HP: variants seen among roughly 807,000 people sequenced by gnomAD.
The protein encoded by HP is haptoglobin.
In HP, 9 loss-of-function variants were observed where a neutral mutation model predicts 23.2. That is an observed-to-expected ratio of 0.39 (90% CI 0.23 to 0.68). HP has a LOEUF of 0.68. HP is among the 30% of genes least tolerant of loss of function. HP has a pLI of 0.47. For synonymous variants in HP, 155 were observed against 183.3 expected, an observed-to-expected ratio of 0.85 and a Z score of 1.25; for missense variants, 433 against 483.6, an observed-to-expected ratio of 0.90 and a Z score of 0.98.
At chr16:72,055,009 A>G in intron 1 of HP, 2 of 463,770 alleles carry the variant, frequency 4.3e-6, no homozygotes, top group East Asian at 8.2e-5. Context: ...GAAGACTAAT[A>G]GTAACACATT....
intron 1 of HP, chr16:72,055,288 CG>C: frequency 6.3e-6 from 1 of 157,568 alleles, no homozygotes; most frequent in South Asian, 1.9e-4. Context: ...TACAGGCGTG[CG>C]CCACTATGCC....
chr16:72,055,803 G>C, intron 1 of HP: 1 of 346,574 alleles, frequency 2.9e-6, no homozygotes, highest in Admixed American at 3.8e-5. Flanking sequence ...CTTTCCTGGA[G>C]GGCTCCTGTA....
rs142139335 is a variant in HP at position 72,059,068 on chromosome 16, C to G, written c.368-46C>G. 19 of 1,525,616 alleles carry G rather than the reference C, an allele frequency of 1.2e-5. 3 individuals are homozygous for G. Among genetic ancestry groups the G allele is most frequent in the Non-Finnish European group, 1.6e-5 (18 of 1,113,422 alleles). 94.5% of individuals were successfully genotyped at this position (1,525,616 alleles called of 1,614,324 possible). Reference sequence around the variant, plus strand: ...AATGCCTTCTCACTCTGCACGGGGTCTAGACTTGACTTCTCCTTTGGCTCA... The same window carrying G: ...AATGCCTTCTCACTCTGCACGGGGTGTAGACTTGACTTCTCCTTTGGCTCA... On this transcript the variant is annotated intron_variant, in intron 5 of 6. Coordinates refer to ENST00000355906, the MANE Select transcript of HP (RefSeq NM_005143.5).
chr16:72,054,742 G>C lies in HP; in HGVS notation c.5+85G>C, dbSNP rs2041431902. The C allele has an allele frequency of 1.9e-6, 3 of 1,606,096 alleles. No homozygotes were observed. In the Admixed American group the frequency reaches 5.1e-5, roughly 27 times the overall value. Reference sequence around the variant, plus strand: ...ATACATCGGTAGAGATGCAGAAATAGAACAAAGAAACGGGCAAATGGGCTA... The same window carrying C: ...ATACATCGGTAGAGATGCAGAAATACAACAAAGAAACGGGCAAATGGGCTA... On this transcript the variant is annotated intron_variant, in intron 1 of 6. Transcript: ENST00000355906.
At chr16:72,055,916 G>A (rs1303532065) in intron 1 of HP, 1 of 616,076 alleles carries the variant, frequency 1.6e-6, no homozygotes, top group South Asian at 1.7e-5. Context: ...ATTCCCAGCA[G>A]GACAGGGCTT....
At chr16:72,054,950 T>G in intron 1 of HP, 2 of 580,558 alleles carry the variant, frequency 3.4e-6, no homozygotes, top group Admixed American at 3.1e-5. Context: ...CCTGGCATCC[T>G]GAGTATATTT....
rs470428 is a variant in HP at position 72,060,783 on chromosome 16, A to C, written c.1114A>C (p.Thr372Pro). The C allele has an allele frequency of 1.2e-6, 2 of 1,614,064 alleles. No homozygotes were observed. The highest frequency in any genetic ancestry group is 2.2e-5 in the South Asian group (2 of 91,074). Reference protein sequence around the residue: ...HDLEEDTWYATGILSFDKSCA... With the variant: ...HDLEEDTWYAPGILSFDKSCA... ...CCTGGAGGAGGACACCTGGTATGCG[A>C]CTGGGATCTTAAGCTTTGATAAGAG... is the stretch of plus-strand genomic sequence containing the variant. Residue 372 changes from threonine (T) to proline (P), a missense_variant, in exon 7 of 7, where the codon ACT becomes CCT. Around this residue, in one of 3 missense-constraint regions of HP, gnomAD observed 326 missense variants for 358.1 expected, o/e 0.91. Coordinates refer to ENST00000355906, the MANE Select transcript of HP (RefSeq NM_005143.5).
intron 1 of HP, 37 bp from the exon 2 acceptor site, chr16:72,056,124 G>A: frequency 6.3e-7 from 1 of 1,594,880 alleles, no homozygotes; most frequent in Non-Finnish European, 8.6e-7. Context: ...GAAGCAGGGA[G>A]ACTAGCTTTC....
chr16:72,054,540 T>C lies in HP; in HGVS notation c.-113T>C, dbSNP rs1344732901. The C allele has an allele frequency of 5.1e-6, 8 of 1,575,426 alleles. No homozygotes were observed. Among genetic ancestry groups the C allele is most frequent in the Non-Finnish European group, 6.9e-6 (8 of 1,158,762 alleles). On this transcript the variant is annotated 5_prime_UTR_variant, in exon 1 of 7. Transcript: ENST00000355906. ...ATAGTGACCTTACCAGGGCCAAAGTTTGTAGACACAGGAATTACGAAATGG... is the reference window on the plus strand; with the variant it reads ...ATAGTGACCTTACCAGGGCCAAAGTCTGTAGACACAGGAATTACGAAATGG...
chr16:72,055,649 G>A (rs1479463309), intron 1 of HP: 3 of 181,124 alleles, frequency 1.7e-5, no homozygotes, highest in South Asian at 1.2e-4. Context: ...AAATACCCAC[G>A]TGTTTAAAAT....
In HP at chr16:72,060,846, A is replaced by G; in HGVS notation, c.1177A>G (p.Thr393Ala). 6.2e-7 allele frequency: 1 copy of G among 1,610,356 alleles called. No individual in the cohort carries two copies. The highest frequency in any genetic ancestry group is 8.5e-7 in the Non-Finnish European group (1 of 1,177,978). ...TGAGTATGGTGTGTATGTGAAGGTGACTTCCATCCAGGACTGGGTTCAGAA... is the reference window on the plus strand; with the variant it reads ...TGAGTATGGTGTGTATGTGAAGGTGGCTTCCATCCAGGACTGGGTTCAGAA... ...VAEYGVYVKV[T>A]SIQDWVQKTI... The change falls in exon 7 of 7, where the codon ACT becomes GCT. Residue 393 changes from threonine (T) to alanine (A), a missense_variant. Thr to Ala is a moderately conservative substitution (Grantham distance 58). Around this residue, in one of 3 missense-constraint regions of HP, gnomAD observed 326 missense variants for 358.1 expected, o/e 0.91. Coordinates refer to ENST00000355906, the MANE Select transcript of HP (RefSeq NM_005143.5).
chr16:72,055,693 A>G (rs1169638527), intron 1 of HP: 4 of 194,696 alleles, frequency 2.1e-5, no homozygotes, highest in Admixed American at 5.2e-5. Context: ...TACGGAAAAT[A>G]TCAAGAAGTA....
Position 72,059,098 on chromosome 16 carries a change from T to C in HP, c.368-16T>C. 1.3e-6 allele frequency: 2 copies of C among 1,563,610 alleles called. 1 individual carries two copies. Among genetic ancestry groups the C allele is most frequent in the Non-Finnish European group, 1.7e-6 (2 of 1,147,096 alleles). ...CTTGACTTCTCCTTTGGCTCACTTC[T>C]TGCCTTTTGTTTCAGGAGTGTACAC... On this transcript the variant is annotated splice_polypyrimidine_tract_variant and intron_variant, in intron 5 of 6. Transcript: ENST00000355906.
In HP at chr16:72,060,391, A is replaced by T. The variant is rs2041524101; in HGVS notation, c.722A>T (p.Asn241Ile). ...VEIEKVVLHP[N>I]YSQVDIGLIK... ...ATTGAGAAGGTTGTTCTACACCCTA[A>T]CTACTCCCAGGTAGATATTGGGCTC... Residue 241 changes from asparagine (N) to isoleucine (I), a missense_variant, in exon 7 of 7, where the codon AAC (asparagine) becomes ATC (isoleucine). Physicochemically the swap from Asn to Ile is moderately radical, Grantham distance 149. Coordinates refer to ENST00000355906, the MANE Select transcript of HP (RefSeq NM_005143.5). 1 of 1,614,180 alleles carries T rather than the reference A, an allele frequency of 6.2e-7. No individual in the cohort carries two copies. Among genetic ancestry groups the T allele is most frequent in the Non-Finnish European group, 8.5e-7 (1 of 1,180,042 alleles).
In HP at chr16:72,056,207, G is replaced by C; in HGVS notation, c.52G>C (p.Ala18Pro). Residue 18 changes from alanine to proline, a missense_variant, in exon 2 of 7, where the codon GCA (alanine) becomes CCA (proline). Ala to Pro is a conservative substitution (Grantham distance 27). Around this residue, in one of 3 missense-constraint regions of HP, gnomAD observed 71 missense variants for 54.2 expected, o/e 1.31. Transcript: ENST00000355906. Reference sequence around the variant, plus strand: ...CCTCCTGCTCTGGGGACAGCTTTTTGCAGTGGACTCAGGCAATGATGTCAC... The same window carrying C: ...CCTCCTGCTCTGGGGACAGCTTTTTCCAGTGGACTCAGGCAATGATGTCAC... ...IALLLWGQLFAVDSGNDVTDI... is the reference protein window; with the variant it reads ...IALLLWGQLFPVDSGNDVTDI... The C allele has an allele frequency of 6.2e-7, 1 of 1,613,990 alleles. No individual in the cohort carries two copies. Among genetic ancestry groups the C allele is most frequent in the Non-Finnish European group, 8.5e-7 (1 of 1,179,986 alleles).
chr16:72,056,093 G>A (rs1247060588), intron 1 of HP, 68 bp from the exon 2 acceptor site: 5 of 1,535,108 alleles, frequency 3.3e-6, no homozygotes, highest in Admixed American at 1.7e-5. Context: ...GCATGTGTGT[G>A]TGGATGCATG....
At chr16:72,056,289 T>C (rs1273294478) in intron 2 of HP, 46 bp downstream of exon 2, 1 of 1,580,896 alleles carries the variant, frequency 6.3e-7, no homozygotes, top group East Asian at 2.2e-5. Context: ...TCTGACCCTC[T>C]CGGGTCTGCA....
At position 72,059,118 on chromosome 16, in the gene HP, G is replaced by GA; in HGVS notation, c.372_373insA (p.Tyr125IlefsTer6). The GA allele has an allele frequency of 3.2e-6, 5 of 1,564,982 alleles. 1 individual carries two copies. Among genetic ancestry groups the GA allele is most frequent in the Non-Finnish European group, 4.4e-6 (5 of 1,148,520 alleles). On this transcript the variant is annotated frameshift_variant, in exon 6 of 7. Coordinates refer to ENST00000355906, the MANE Select transcript of HP (RefSeq NM_005143.5). LOFTEE classifies it high-confidence loss of function. ...ACTTCTTGCCTTTTGTTTCAGGAGTGTACACCTTAAACAATGAGAAGCAGT... is the reference window on the plus strand; with the variant it reads ...ACTTCTTGCCTTTTGTTTCAGGAGTGATACACCTTAAACAATGAGAAGCAGT...
chr16:72,054,664 C>T lies in HP; in HGVS notation c.5+7C>T. On this transcript the variant is annotated splice_region_variant and intron_variant, in intron 1 of 6. Coordinates refer to ENST00000355906, the MANE Select transcript of HP (RefSeq NM_005143.5). ...CAAGACCAACCAAGATGAGGTGGGT[C>T]CACAGCTTTCCCTCCTGCCTTTCCT... 1 of 1,612,174 alleles carries T rather than the reference C, an allele frequency of 6.2e-7. No homozygotes were observed. The highest frequency in any genetic ancestry group is 1.1e-5 in the South Asian group (1 of 90,728).
Sources: gnomAD v4.1 joint callset for allele counts on GRCh38, gnomAD v4.1.1 for gene constraint, gnomAD v4.1.1 regional missense constraint, MANE v1.5 for transcripts, NCBI Gene and HGNC (gene_info 2026-07-23, HGNC 2026-07-21) for gene names.